Variants in KHDC1L observed in about 807,000 individuals in gnomAD.
The protein encoded by KHDC1L is KH domain containing 1 like, also known as KHDC1-like protein.
Under a neutral mutation model 11.2 loss-of-function variants are expected in KHDC1L, and 5 were observed. The ratio of observed to expected loss-of-function variants is 0.45; its 90% CI spans 0.23 to 0.94. KHDC1L has a LOEUF of 0.94. KHDC1L is among the 40% of genes least tolerant of loss of function. The pLI is 0.22. For missense variants in KHDC1L, 168 were observed against 165.8 expected (o/e 1.01, Z -0.07); for synonymous variants, 66 against 62.7 (o/e 1.05, Z -0.25).
intron 1 of KHDC1L, among the ~76,000 whole-genome samples, chr6:73,224,955 C>T (rs1766334400): frequency 1.3e-5 from 2 of 150,594 alleles, no homozygotes; most frequent in South Asian, 2.1e-4. Flanking sequence ...TGATGGCGGG[C>T]GCCTGTAGTC....
Position 73,225,290 on chromosome 6 carries a change from C to T in KHDC1L, c.112+7G>A, listed in dbSNP as rs752874545. 1 of 1,612,528 alleles carries T rather than the reference C, an allele frequency of 6.2e-7. No homozygotes were observed. Among genetic ancestry groups the T allele is most frequent in the Non-Finnish European group, 8.5e-7 (1 of 1,179,100 alleles). The stretch of plus-strand genomic sequence containing the variant: ...TGAAGGAGGGGACGTGGGCAAAGGC[C>T]ACTCACCGAAGATGAGCTCCTCCTG... On this transcript the variant is annotated splice_region_variant and intron_variant, in intron 1 of 2. Transcript: ENST00000370388.
In KHDC1L at chr6:73,223,692, T is replaced by G. The variant is rs963832527; in HGVS notation, c.*56A>C. 3 of 1,434,446 alleles carry G rather than the reference T, an allele frequency of 2.1e-6. No homozygotes were observed. The highest frequency in any genetic ancestry group is 1.9e-6 in the Non-Finnish European group (2 of 1,039,892). The allele number at this position is 1,434,446 out of a possible 1,614,324, so 88.9% of individuals were successfully genotyped here. On this transcript the variant is annotated 3_prime_UTR_variant, in exon 3 of 3. Transcript: ENST00000370388. ...ACTTTCTTCAGTGTTTTTCATGTCT[T>G]TCTCACCAAAAGCGAAGCCAAGACT...
At chr6:73,223,988 T>C in intron 2 of KHDC1L, 149 bp from the exon 3 acceptor site, 1 of 982,914 alleles carries the variant, frequency 1.0e-6, no homozygotes, top group East Asian at 2.6e-5. Context: ...TGCTACCCTC[T>C]CCTCCCTGAG....
At chr6:73,223,933 G>T in intron 2 of KHDC1L, 94 bp from the exon 3 acceptor site, 2 of 1,138,166 alleles carry the variant, frequency 1.8e-6, no homozygotes, top group Non-Finnish European at 2.6e-6. Flanking sequence ...CAGAGAGGAT[G>T]TCACCCCAGC....
At position 73,224,405 on chromosome 6, in the gene KHDC1L, G is replaced by C. The variant is rs1166507607; in HGVS notation, c.113-57C>G. The C allele has an allele frequency of 2.8e-6, 4 of 1,446,858 alleles. No homozygotes were observed. In the East Asian group the frequency reaches 7.4e-5, roughly 27 times the overall value. The allele number at this position is 1,446,858 out of a possible 1,614,324, so 89.6% of individuals were successfully genotyped here. A position where few individuals can be genotyped will look rare whatever the true frequency, so the allele number is the denominator to read the frequency against. On this transcript the variant is annotated intron_variant, in intron 1 of 2. Coordinates refer to ENST00000370388, the MANE Select transcript of KHDC1L (RefSeq NM_001126063.3). ...TCAGCCACCAGTCCTTGGGGAGTGAGGAGGTGGCCTTGAGGGTAGGGATGT... is the reference window on the plus strand; with the variant it reads ...TCAGCCACCAGTCCTTGGGGAGTGACGAGGTGGCCTTGAGGGTAGGGATGT...
At chr6:73,224,370 A>G in intron 1 of KHDC1L, 22 bp from the exon 2 acceptor site, 3 of 1,529,786 alleles carry the variant, frequency 2.0e-6, no homozygotes, top group Non-Finnish European at 2.6e-6. Flanking sequence ...AGAAGTGAGA[A>G]GAGAAACTGT....
Position 73,225,336 on chromosome 6 carries a change from C to A in KHDC1L, c.73G>T (p.Val25Leu), listed in dbSNP as rs553395928. 3.7e-6 allele frequency: 6 copies of A among 1,614,104 alleles called. No homozygotes were observed. The South Asian group carries it at 6.6e-5, about 18-fold the overall frequency. ...TLPENFHSPM[V>L]FHMEEDQEEL... is the part of the protein sequence containing the mutation. ...TCCTGGTCCTCTTCCATGTGGAACA[C>A]CATTGGAGAATGAAAGTTTTCGGGC... is the stretch of plus-strand genomic sequence containing the variant. Residue 25 changes from valine (V) to leucine (L), a missense_variant, in exon 1 of 3, where the codon GTG (valine) becomes TTG (leucine). By Grantham distance (32) the Val-to-Leu change is conservative. Coordinates refer to ENST00000370388, the MANE Select transcript of KHDC1L (RefSeq NM_001126063.3).
chr6:73,223,697 A>T lies in KHDC1L; in HGVS notation c.*51T>A, dbSNP rs1766304622. ...CTTCAGTGTTTTTCATGTCTTTCTC[A>T]CCAAAAGCGAAGCCAAGACTTCTCC... On this transcript the variant is annotated 3_prime_UTR_variant, in exon 3 of 3. Coordinates refer to ENST00000370388, the MANE Select transcript of KHDC1L (RefSeq NM_001126063.3). The T allele has an allele frequency of 6.8e-7, 1 of 1,467,532 alleles. No homozygotes were observed. Among genetic ancestry groups the T allele is most frequent in the South Asian group, 1.2e-5 (1 of 82,202 alleles). 90.9% of individuals were successfully genotyped at this position (1,467,532 alleles called of 1,614,324 possible).
In KHDC1L at chr6:73,223,812, C is replaced by T. The variant is rs1766308197; in HGVS notation, c.323G>A (p.Ser108Asn). 1 of 1,605,110 alleles carries T rather than the reference C, an allele frequency of 6.2e-7. No individual in the cohort carries two copies. The highest frequency in any genetic ancestry group is 8.5e-7 in the Non-Finnish European group (1 of 1,175,918). ...RGLKMLERVR[S>N]QPLTNDDLVT... ...CAGGTCATCATTGGTCAGGGGCTGG[C>T]TTCGGACACGCTCTAGCATCTTCAG... The change falls in exon 3 of 3, where the codon AGC (serine) becomes AAC (asparagine). Residue 108 changes from serine to asparagine, a missense_variant. Ser to Asn is a conservative substitution (Grantham distance 46). Coordinates refer to ENST00000370388, the MANE Select transcript of KHDC1L (RefSeq NM_001126063.3).
chr6:73,224,052 A>C, intron 2 of KHDC1L, 114 bp downstream of exon 2: 1 of 1,280,090 alleles, frequency 7.8e-7, no homozygotes, highest in Non-Finnish European at 1.1e-6. Flanking sequence ...TCTGGGAAGC[A>C]CCTGGATTCC....
At chr6:73,224,910 T>C (rs1267183595) in intron 1 of KHDC1L, among the ~76,000 whole-genome samples, 1 of 145,356 alleles carries the variant, frequency 6.9e-6, no homozygotes, top group Non-Finnish European at 1.5e-5. Context: ...TGAAACCCCA[T>C]CTCTACTAAA....
intron 1 of KHDC1L, 76 bp downstream of exon 1, chr6:73,225,221 C>G: frequency 2.2e-6 from 3 of 1,349,866 alleles, no homozygotes; most frequent in Non-Finnish European, 3.0e-6. Context: ...GAGCCAAGAT[C>G]ACGAGCGAGA....
At chr6:73,224,480 G>A in intron 1 of KHDC1L, 132 bp from the exon 2 acceptor site, 1 of 768,172 alleles carries the variant, frequency 1.3e-6, no homozygotes, top group Non-Finnish European at 2.0e-6. Context: ...TCGAGAAGGG[G>A]ATGAAGGAGG....
In KHDC1L at chr6:73,224,258, C is replaced by G. The variant is rs1349393140; in HGVS notation, c.203G>C (p.Arg68Pro). ...ERCFTATGQTRVTVVGPPMAK... is the reference protein window; with the variant it reads ...ERCFTATGQTPVTVVGPPMAK... The stretch of plus-strand genomic sequence containing the variant: ...CATTGGTGGTCCGACTACAGTCACA[C>G]GTGTCTGGCCTGTAGCTGTGAAACA... Residue 68 changes from arginine to proline, a missense_variant, in exon 2 of 3, where the codon CGT (arginine) becomes CCT (proline). Physicochemically the swap from Arg to Pro is moderately radical, Grantham distance 103. Transcript: ENST00000370388. The G allele has an allele frequency of 2.5e-6, 4 of 1,591,464 alleles. No individual in the cohort carries two copies. Among genetic ancestry groups the G allele is most frequent in the Non-Finnish European group, 3.4e-6 (4 of 1,168,142 alleles).
intron 2 of KHDC1L, 129 bp downstream of exon 2, chr6:73,224,037 T>C: frequency 8.4e-7 from 1 of 1,184,192 alleles, no homozygotes; most frequent in African/African-American, 1.5e-5. Context: ...CCCTTCCCAA[T>C]GGACTCTGGG....
intron 1 of KHDC1L, among the ~76,000 whole-genome samples, chr6:73,224,716 C>CAGTG (rs1274936012): frequency 1.5e-5 from 2 of 132,006 alleles, no homozygotes; most frequent in Non-Finnish European, 3.1e-5. Flanking sequence ...GCGGAGCTTG[C>CAGTG]AGTGAGCCGA....
At chr6:73,223,965 A>AT in intron 2 of KHDC1L, 126 bp from the exon 3 acceptor site, 3 of 988,560 alleles carry the variant, frequency 3.0e-6, no homozygotes, top group Non-Finnish European at 4.5e-6. Flanking sequence ...AAGGTAACCC[A>AT]TTTACTCCTC....
At chr6:73,225,088 T>G (rs1766337371) in intron 1 of KHDC1L, among the ~76,000 whole-genome samples, 1 of 87,764 alleles carries the variant, frequency 1.1e-5, no homozygotes, top group African/African-American at 5.4e-5. Context: ...GTCTCGAGTC[T>G]CAAAAAAAAA....
Position 73,223,990 on chromosome 6 carries a change from C to T in KHDC1L, c.296-151G>A, listed in dbSNP as rs561978464. 2.6e-5 allele frequency among the ~76,000 whole-genome samples: 4 copies of T among 152,262 alleles called. No homozygotes were observed. The South Asian group carries it at 8.3e-4, about 32-fold the overall frequency. On this transcript the variant is annotated intron_variant, in intron 2 of 2. Coordinates refer to ENST00000370388, the MANE Select transcript of KHDC1L (RefSeq NM_001126063.3). ...ATTTACTCCTCCCTGCTACCCTCTC[C>T]TCCCTGAGCAATCGCATGCCACAAA... is the stretch of plus-strand genomic sequence containing the variant.
Sources: allele counts gnomAD v4.1 joint callset (sites outside exome capture counted in the v4.1 genomes callset), GRCh38; gene constraint gnomAD v4.1.1; transcripts MANE v1.5; gene names NCBI Gene and HGNC (gene_info 2026-07-23, HGNC 2026-07-21).